The following CNTN5 variants were observed in gnomAD, a reference collection of about 807,000 sequenced individuals.
CNTN5 encodes the protein contactin-5.
In CNTN5, 77 loss-of-function variants were observed where a neutral mutation model predicts 129.1. The ratio of observed to expected loss-of-function variants is 0.60; its 90% CI spans 0.50 to 0.72. CNTN5 has a LOEUF of 0.72. Ranked by LOEUF, CNTN5 falls within the 30% of genes least tolerant of loss-of-function variation. CNTN5 has a pLI of 0.00. For synonymous variants in CNTN5, 509 were observed against 465.6 expected (o/e 1.09, Z -1.20); for missense variants, 1,478 against 1,328.8 (o/e 1.11, Z -1.75).
At chr11:100,150,533 T>A (rs559033432) in intron 13 of CNTN5, among the ~76,000 whole-genome samples, 1 of 139,720 alleles carries the variant, frequency 7.2e-6, no homozygotes, top group African/African-American at 2.5e-5. Context: ...AGTTAATCTA[T>A]AAATATTTCA....
chr11:100,088,239 G>A (rs78186127), intron 13 of CNTN5, among the ~76,000 whole-genome samples: 1 of 151,298 alleles, frequency 6.6e-6, no homozygotes, highest in Non-Finnish European at 1.5e-5. Flanking sequence ...TTTCTGAAAA[G>A]CAGTGTTAAG....
intron 7 of CNTN5, among the ~76,000 whole-genome samples, chr11:99,935,476 C>G (rs1477364369): frequency 6.6e-6 from 1 of 151,742 alleles, no homozygotes; most frequent in South Asian, 2.1e-4. Context: ...TATTTAATCT[C>G]TAATCTGATA....
At chr11:99,250,159 A>G (rs957426080) in intron 1 of CNTN5, among the ~76,000 whole-genome samples, 2 of 151,964 alleles carry the variant, frequency 1.3e-5, no homozygotes, top group Non-Finnish European at 2.9e-5. Context: ...TTGTCTTGGT[A>G]TAATATAGTA....
At chr11:99,990,481 CACAT>C (rs1183881467) in intron 8 of CNTN5, among the ~76,000 whole-genome samples, 16 of 151,484 alleles carry the variant, frequency 1.1e-4, no homozygotes, top group Non-Finnish European at 1.5e-4. Flanking sequence ...CACACACACA[CACAT>C]ACATACTAGT....
chr11:99,863,480 A>G (rs146722171), intron 6 of CNTN5, among the ~76,000 whole-genome samples: 3 of 152,258 alleles, frequency 2.0e-5, no homozygotes, highest in East Asian at 3.9e-4. Flanking sequence ...ATGAGGTAGA[A>G]GTATCTAGGA....
At chr11:99,534,005 C>T (rs1452246997) in intron 2 of CNTN5, among the ~76,000 whole-genome samples, 2 of 152,254 alleles carry the variant, frequency 1.3e-5, no homozygotes, top group Non-Finnish European at 2.9e-5. Context: ...TTTAATGCAA[C>T]AATTCTGTTA....
chr11:99,253,257 C>T (rs1369642511), intron 1 of CNTN5, among the ~76,000 whole-genome samples: 2 of 152,004 alleles, frequency 1.3e-5, no homozygotes, highest in Admixed American at 6.6e-5. Context: ...AGAATGACTT[C>T]GCCCCTTATT....
intron 16 of CNTN5, among the ~76,000 whole-genome samples, chr11:100,238,282 G>A (rs1949661585): frequency 6.6e-6 from 1 of 151,814 alleles, no homozygotes; most frequent in Admixed American, 6.6e-5. Flanking sequence ...CTGATAATCT[G>A]TTTACCCAAC....
intron 13 of CNTN5, among the ~76,000 whole-genome samples, chr11:100,170,960 C>G (rs1947808724): frequency 1.3e-5 from 2 of 151,738 alleles, no homozygotes; most frequent in African/African-American, 4.8e-5. Flanking sequence ...CCACACTCTT[C>G]TTTTTATACA....
intron 2 of CNTN5, among the ~76,000 whole-genome samples, chr11:99,394,699 C>T (rs1941430959): frequency 6.6e-6 from 1 of 151,556 alleles, no homozygotes; most frequent in African/African-American, 2.4e-5. Context: ...TTCTCTCACC[C>T]TTCATCCTCT....
chr11:99,692,987 C>T (rs940349400), intron 3 of CNTN5, among the ~76,000 whole-genome samples: 9 of 151,924 alleles, frequency 5.9e-5, no homozygotes, highest in East Asian at 3.9e-4. Context: ...GGTGATTGGG[C>T]GTGGAAGAAT....
At chr11:100,149,033 G>C (rs1460788159) in intron 13 of CNTN5, among the ~76,000 whole-genome samples, 1 of 152,196 alleles carries the variant, frequency 6.6e-6, no homozygotes, top group African/African-American at 2.4e-5. Context: ...CCAGGGGGCA[G>C]AATGTGCTGA....
chr11:100,198,810 T>C (rs1257911170), intron 15 of CNTN5, among the ~76,000 whole-genome samples: 2 of 151,944 alleles, frequency 1.3e-5, no homozygotes, highest in Non-Finnish European at 2.9e-5. Context: ...GCCTGATTCA[T>C]ATGCAGAATT....
chr11:99,724,964 G>T (rs1943290073), intron 3 of CNTN5, among the ~76,000 whole-genome samples: 1 of 152,020 alleles, frequency 6.6e-6, no homozygotes, highest in African/African-American at 2.4e-5. Flanking sequence ...AAGATTTTTT[G>T]CGCCAATGCT....
intron 3 of CNTN5, among the ~76,000 whole-genome samples, chr11:99,667,387 G>A (rs879694183): frequency 5.9e-5 from 9 of 152,036 alleles, no homozygotes; most frequent in African/African-American, 2.2e-4. Context: ...TTTATAAGAC[G>A]TGATTATGTG....
chr11:99,267,121 G>A (rs1167982079), intron 1 of CNTN5, among the ~76,000 whole-genome samples: 1 of 151,950 alleles, frequency 6.6e-6, no homozygotes, highest in Non-Finnish European at 1.5e-5. Context: ...GAAGATGAAT[G>A]ACACTGATAC....
At chr11:99,640,120 C>T (rs1483432410) in intron 3 of CNTN5, among the ~76,000 whole-genome samples, 1 of 152,152 alleles carries the variant, frequency 6.6e-6, no homozygotes, top group African/African-American at 2.4e-5. Context: ...CAACAAGTCT[C>T]TAAGAAGTTC....
chr11:99,738,780 C>G (rs1401585799), intron 3 of CNTN5, among the ~76,000 whole-genome samples: 2 of 151,966 alleles, frequency 1.3e-5, no homozygotes, highest in African/African-American at 2.4e-5. Context: ...CGTACTCTAT[C>G]CCATAGGCAG....
intron 1 of CNTN5, among the ~76,000 whole-genome samples, chr11:99,298,363 G>A (rs181247249): frequency 7.9e-5 from 12 of 152,300 alleles, no homozygotes; most frequent in African/African-American, 2.6e-4. Flanking sequence ...TAGCGAGACT[G>A]ATTACAGCTT....
Sources: allele counts gnomAD v4.1 joint callset (sites outside exome capture counted in the v4.1 genomes callset), GRCh38; gene constraint gnomAD v4.1.1; transcripts MANE v1.5; gene names NCBI Gene and HGNC (gene_info 2026-07-23, HGNC 2026-07-21).